NIT2: variants seen among roughly 807,000 people sequenced by gnomAD.
NIT2 encodes the protein nitrilase family member 2, also known as omega-amidase NIT2.
A neutral mutation model predicts 42.7 loss-of-function variants in NIT2; 46 were observed. That is an observed-to-expected ratio of 1.08 (90% CI 0.85 to 1.38). The LOEUF is 1.38. NIT2 is among the 40% of genes most tolerant of loss of function. The pLI is 0.00. For missense variants in NIT2, 309 were observed against 342.5 expected, an observed-to-expected ratio of 0.90 and a Z score of 0.77; for synonymous variants, 123 against 121.9, an observed-to-expected ratio of 1.01 and a Z score of -0.06.
At chr3:100,341,503 G>A (rs1706152307) in intron 4 of NIT2, among the ~76,000 whole-genome samples, 1 of 151,804 alleles carries the variant, frequency 6.6e-6, no homozygotes, top group Admixed American at 6.6e-5. Context: ...CGAGTAGCTG[G>A]GACTACAGGT....
chr3:100,353,245 C>G (rs913772856), intron 8 of NIT2, among the ~76,000 whole-genome samples: 1 of 152,188 alleles, frequency 6.6e-6, no homozygotes, highest in Non-Finnish European at 1.5e-5. Flanking sequence ...TGGATGTATT[C>G]CACACTAGTT....
intron 4 of NIT2, among the ~76,000 whole-genome samples, chr3:100,343,966 A>T (rs939432191): frequency 2.0e-5 from 3 of 152,248 alleles, no homozygotes; most frequent in African/African-American, 7.2e-5. Context: ...GCCGCACCCA[A>T]ACACCAAACT....
Position 100,355,314 on chromosome 3 carries a change from C to T in NIT2, c.*46C>T. The T allele has an allele frequency of 7.6e-7, 1 of 1,320,824 alleles. No homozygotes were observed. The highest frequency in any genetic ancestry group is 1.1e-6 in the Non-Finnish European group (1 of 931,836). The allele number at this position is 1,320,824 out of a possible 1,614,324, so 81.8% of individuals were successfully genotyped here. A position where few individuals can be genotyped will look rare whatever the true frequency, so the allele number is the denominator to read the frequency against. On this transcript the variant is annotated 3_prime_UTR_variant, in exon 10 of 10. Coordinates refer to ENST00000394140, the MANE Select transcript of NIT2 (RefSeq NM_020202.5). ...CACAGAATAGGACGATATGATTCTA[C>T]AACATAATCAACTCCCTATTAAATT...
Position 100,354,760 on chromosome 3 carries a change from C to A in NIT2, c.684-12C>A. On this transcript the variant is annotated splice_polypyrimidine_tract_variant and intron_variant, in intron 8 of 9. Transcript: ENST00000394140. ...CAGTGAATCCACTCATTCTCTTCTG[C>A]ATCTTTTTCAGGGGGGAGGTTCTAG... The A allele has an allele frequency of 6.2e-7, 1 of 1,604,526 alleles. No homozygotes were observed. The highest frequency in any genetic ancestry group is 1.1e-5 in the South Asian group (1 of 88,864).
intron 1 of NIT2, among the ~76,000 whole-genome samples, chr3:100,336,140 G>A (rs1322875593): frequency 6.6e-6 from 1 of 152,200 alleles, no homozygotes; most frequent in African/African-American, 2.4e-5. Flanking sequence ...GGACATCTGA[G>A]TTTTCCTTTT....
At position 100,361,249 on chromosome 3, in the gene NIT2, T is replaced by C. The variant is rs1706382340; in HGVS notation, c.*5981T>C. The C allele has an allele frequency of 6.6e-6, 1 of 152,194 alleles. No homozygotes were observed. Among genetic ancestry groups the C allele is most frequent in the Non-Finnish European group, 1.5e-5 (1 of 68,048 alleles). 9.4% of individuals were successfully genotyped at this position (152,194 alleles called of 1,614,324 possible). On this transcript the variant is annotated 3_prime_UTR_variant, in exon 10 of 10. Transcript: ENST00000394140. ...ATCATCTCTGCAGAGAATCCTACCA[T>C]GCTGCATTCTTGCTTTAAACCTTTC...
rs2148886678 is a variant in NIT2, at chr3:100,361,329, C to G, written c.*6061C>G. On this transcript the variant is annotated 3_prime_UTR_variant, in exon 10 of 10. Coordinates refer to ENST00000394140, the MANE Select transcript of NIT2 (RefSeq NM_020202.5). ...GTTAGTCATGGTCTTCCTGTATTTG[C>G]TCTAGGTAAGCTGTTTCATAGCCTT... The G allele has an allele frequency of 6.6e-6, 1 of 152,288 alleles. No homozygotes were observed. Among genetic ancestry groups the G allele is most frequent in the Non-Finnish European group, 1.5e-5 (1 of 68,024 alleles). 9.4% of individuals were successfully genotyped at this position (152,288 alleles called of 1,614,324 possible).
chr3:100,352,979 C>G (rs933894244), intron 8 of NIT2, among the ~76,000 whole-genome samples: 7 of 152,194 alleles, frequency 4.6e-5, no homozygotes, highest in Non-Finnish European at 1.0e-4. Flanking sequence ...AAGGGTGAAG[C>G]ATTTTATTAC....
chr3:100,335,724 G>T (rs1706061942), intron 1 of NIT2, among the ~76,000 whole-genome samples: 1 of 152,228 alleles, frequency 6.6e-6, no homozygotes. Flanking sequence ...CACAGACATG[G>T]CCCGGCACGT....
Position 100,355,714 on chromosome 3 carries a change from A to T in NIT2, c.*446A>T, listed in dbSNP as rs1706319998. The T allele has an allele frequency of 6.4e-6, 1 of 155,682 alleles. No individual in the cohort carries two copies. Among genetic ancestry groups the T allele is most frequent in the African/African-American group, 2.4e-5 (1 of 41,472 alleles). The allele number at this position is 155,682 out of a possible 1,614,324, so 9.6% of individuals were successfully genotyped here. On this transcript the variant is annotated 3_prime_UTR_variant, in exon 10 of 10. Coordinates refer to ENST00000394140, the MANE Select transcript of NIT2 (RefSeq NM_020202.5). ...TTTTTGGTTCATGAGTAGCTATAGA[A>T]CGCAAGGTGATACATCTTTGGTGTT...
At chr3:100,340,239 A>AT (rs757487059) in intron 3 of NIT2, among the ~76,000 whole-genome samples, 2 of 151,928 alleles carry the variant, frequency 1.3e-5, no homozygotes, top group East Asian at 3.9e-4. Context: ...TGATTTTTGT[A>AT]TTTTTTTGTA....
chr3:100,355,211 C>T lies in NIT2; in HGVS notation c.774C>T (p.Ile258=), dbSNP rs1172614956. The T allele has an allele frequency of 6.2e-7, 1 of 1,614,072 alleles. No homozygotes were observed. Among genetic ancestry groups the T allele is most frequent in the Non-Finnish European group, 8.5e-7 (1 of 1,180,006 alleles). ...AGCTGGCTGAAATACGCCAGCAAAT[C>T]CCCGTTTTTAGACAGAAGCGATCAG... The part of the protein sequence containing the change: ...LKKLAEIRQQ[I]PVFRQKRSDL... The change falls in exon 10 of 10, where the codon ATC becomes ATT. Residue 258 remains isoleucine (I), a synonymous_variant. Coordinates refer to ENST00000394140, the MANE Select transcript of NIT2 (RefSeq NM_020202.5).
rs773186712 is a variant in NIT2 at position 100,341,024 on chromosome 3, G to T, written c.248-49G>T. ...AGGCTTTTATCCCTTTCTCACAAAA[G>T]AATTGCTCTATTCTTTTTCTTATGG... On this transcript the variant is annotated intron_variant, in intron 3 of 9. Coordinates refer to ENST00000394140, the MANE Select transcript of NIT2 (RefSeq NM_020202.5). 4 of 1,287,094 alleles carry T rather than the reference G, an allele frequency of 3.1e-6. No individual in the cohort carries two copies. In the South Asian group the frequency reaches 4.8e-5, roughly 15 times the overall value. 79.7% of individuals were successfully genotyped at this position (1,287,094 alleles called of 1,614,324 possible).
chr3:100,350,232 A>G (rs1423967446), intron 7 of NIT2, among the ~76,000 whole-genome samples: 1 of 152,196 alleles, frequency 6.6e-6, no homozygotes, highest in African/African-American at 2.4e-5. Context: ...ATAAGATGCC[A>G]TGAGTATCAG....
chr3:100,354,959 C>T, intron 9 of NIT2, 132 bp downstream of exon 9: 1 of 855,686 alleles, frequency 1.2e-6, no homozygotes, highest in East Asian at 2.5e-5. Flanking sequence ...TGGGGATATT[C>T]TAGGGTCTGG....
chr3:100,347,138 C>G (rs1281663789), intron 6 of NIT2, among the ~76,000 whole-genome samples: 1 of 152,096 alleles, frequency 6.6e-6, no homozygotes, highest in African/African-American at 2.4e-5. Flanking sequence ...TCTTGTCGCC[C>G]AGGCTGGAGT....
At position 100,352,613 on chromosome 3, in the gene NIT2, C is replaced by G. The variant is rs1471970612; in HGVS notation, c.683+111C>G. The G allele has an allele frequency of 4.5e-6, 3 of 672,464 alleles. No individual in the cohort carries two copies. In the Admixed American group the frequency reaches 7.5e-5, roughly 17 times the overall value. 41.7% of individuals were successfully genotyped at this position (672,464 alleles called of 1,614,324 possible). Reference sequence around the variant, plus strand: ...GCAGCCAGGCGCTCACTTCTCACTCCCATTTCCCCACATATCCTGCCAGCT... The same window carrying G: ...GCAGCCAGGCGCTCACTTCTCACTCGCATTTCCCCACATATCCTGCCAGCT... On this transcript the variant is annotated intron_variant, in intron 8 of 9. Transcript: ENST00000394140.
chr3:100,357,719 A>G lies in NIT2; in HGVS notation c.*2451A>G, dbSNP rs551533684. 1.6e-4 allele frequency: 23 copies of G among 144,252 alleles called. No individual in the cohort carries two copies. The highest frequency in any genetic ancestry group is 6.0e-4 in the African/African-American group (23 of 38,552). The allele number at this position is 144,252 out of a possible 1,614,324, so 8.9% of individuals were successfully genotyped here. ...CAGTGGCATGATCTTGGTTCACTGC[A>G]TCCTCTACCTCCTTGGTTGAAGCAA... On this transcript the variant is annotated 3_prime_UTR_variant, in exon 10 of 10. Transcript: ENST00000394140.
At chr3:100,348,459 G>C (rs902405134) in intron 6 of NIT2, among the ~76,000 whole-genome samples, 5 of 152,178 alleles carry the variant, frequency 3.3e-5, no homozygotes, top group African/African-American at 1.2e-4. Context: ...CCCTAGCGTA[G>C]GCAGCTATTT....
Sources: allele counts gnomAD v4.1 joint callset (sites outside exome capture counted in the v4.1 genomes callset), GRCh38; gene constraint gnomAD v4.1.1; transcripts MANE v1.5; gene names NCBI Gene and HGNC (gene_info 2026-07-23, HGNC 2026-07-21).